The following MAN1A1 variants were observed in gnomAD, a reference collection of about 807,000 sequenced individuals.
The protein encoded by MAN1A1 is mannosyl-oligosaccharide 1,2-alpha-mannosidase IA.
In MAN1A1, 29 loss-of-function variants were observed where a neutral mutation model predicts 70.8. The observed-to-expected ratio is 0.41, with a 90% CI of 0.31 to 0.56. The LOEUF (loss-of-function observed/expected upper bound fraction) is 0.56, where lower values mean the gene tolerates loss of function less well. MAN1A1 is among the 20% of genes least tolerant of loss of function. The pLI is 0.29. For missense variants in MAN1A1, 747 were observed against 841.3 expected (o/e 0.89, Z 1.39); for synonymous variants, 349 against 330.1 (o/e 1.06, Z -0.62).
chr6:119,247,343 G>T (rs1775193817), intron 6 of MAN1A1, among the ~76,000 whole-genome samples: 1 of 152,120 alleles, frequency 6.6e-6, no homozygotes, highest in Non-Finnish European at 1.5e-5. Context: ...ATCTCTCTGT[G>T]ACTAGAGCTT....
At chr6:119,335,656 T>C (rs917804769) in intron 2 of MAN1A1, among the ~76,000 whole-genome samples, 1 of 152,090 alleles carries the variant, frequency 6.6e-6, no homozygotes, top group African/African-American at 2.4e-5. Flanking sequence ...ACATGGGAAT[T>C]TGGAGAAGGG....
At chr6:119,315,884 C>T (rs1472599533) in intron 2 of MAN1A1, among the ~76,000 whole-genome samples, 1 of 152,202 alleles carries the variant, frequency 6.6e-6, no homozygotes, top group Admixed American at 6.5e-5. Context: ...GAAGCTGTCA[C>T]TGAGTTCAGA....
At chr6:119,181,195 A>G (rs1773145028) in intron 11 of MAN1A1, among the ~76,000 whole-genome samples, 1 of 152,198 alleles carries the variant, frequency 6.6e-6, no homozygotes, top group African/African-American at 2.4e-5. Context: ...CTGTCCCCCA[A>G]GCCTGATATT....
chr6:119,295,387 G>C (rs1165152396), intron 4 of MAN1A1, among the ~76,000 whole-genome samples: 1 of 152,096 alleles, frequency 6.6e-6, no homozygotes. Context: ...TTTTAGTTTT[G>C]GAGCAGATTC....
intron 5 of MAN1A1, among the ~76,000 whole-genome samples, chr6:119,265,852 CAT>C (rs1256200622): frequency 1.3e-5 from 2 of 152,056 alleles, no homozygotes; most frequent in African/African-American, 4.8e-5. Context: ...CTGCAGATGA[CAT>C]ATTTTCTATG....
intron 6 of MAN1A1, among the ~76,000 whole-genome samples, chr6:119,220,340 A>G (rs1173042467): frequency 1.6e-5 from 1 of 61,486 alleles, no homozygotes; most frequent in Non-Finnish European, 4.0e-5. Context: ...TTACTTGGTG[A>G]GTTTAAAGAT....
chr6:119,190,576 T>C (rs1773416542), intron 9 of MAN1A1, among the ~76,000 whole-genome samples: 1 of 152,220 alleles, frequency 6.6e-6, no homozygotes, highest in African/African-American at 2.4e-5. Context: ...GAGTCATTTA[T>C]AATTATCATT....
At chr6:119,329,013 G>A (rs779228740) in intron 2 of MAN1A1, among the ~76,000 whole-genome samples, 2 of 152,224 alleles carry the variant, frequency 1.3e-5, no homozygotes, top group African/African-American at 2.4e-5. Flanking sequence ...CAAAGCAGAT[G>A]TCTGGATGCA....
chr6:119,225,738 T>C (rs1188580691), intron 6 of MAN1A1, among the ~76,000 whole-genome samples: 1 of 152,218 alleles, frequency 6.6e-6, no homozygotes, highest in Non-Finnish European at 1.5e-5. Context: ...GAATGGCATC[T>C]TCAAAATTTG....
chr6:119,282,555 C>CA (rs887821377), intron 5 of MAN1A1, among the ~76,000 whole-genome samples: 2 of 152,108 alleles, frequency 1.3e-5, no homozygotes, highest in Admixed American at 1.3e-4. Flanking sequence ...TAATTATAAA[C>CA]ATAATAAGCA....
chr6:119,334,416 T>C (rs911623711), intron 2 of MAN1A1, among the ~76,000 whole-genome samples: 2 of 152,254 alleles, frequency 1.3e-5, no homozygotes, highest in Non-Finnish European at 2.9e-5. Context: ...AGCTTTCTAT[T>C]GTTTTAGGTT....
At chr6:119,260,414 C>T (rs1232971011) in intron 5 of MAN1A1, among the ~76,000 whole-genome samples, 2 of 152,204 alleles carry the variant, frequency 1.3e-5, no homozygotes, top group Non-Finnish European at 2.9e-5. Flanking sequence ...TTTGATATTA[C>T]AAACAGCTTA....
chr6:119,250,675 T>C lies in MAN1A1; in HGVS notation c.898-2321A>G, dbSNP rs6906551. Among the ~76,000 whole-genome samples the C allele has an allele frequency of 2.7e-3, 399 of 148,870 alleles. 2 individuals are homozygous for C. The highest frequency in any genetic ancestry group is 9.5e-3 in the African/African-American group (386 of 40,562). On this transcript the variant is annotated intron_variant, in intron 5 of 12. Coordinates refer to ENST00000368468, the MANE Select transcript of MAN1A1 (RefSeq NM_005907.4). ...GTGTGTGTGTGTGTGTGTGTGTGTGTGCGTGTCAGTTACTCCCCACCTGCC... is the reference window on the plus strand; with the variant it reads ...GTGTGTGTGTGTGTGTGTGTGTGTGCGCGTGTCAGTTACTCCCCACCTGCC...
chr6:119,239,910 C>G (rs1774957161), intron 6 of MAN1A1, among the ~76,000 whole-genome samples: 1 of 152,202 alleles, frequency 6.6e-6, no homozygotes, highest in Non-Finnish European at 1.5e-5. Context: ...GATTCGCAAC[C>G]AATTGTGTGA....
At chr6:119,280,669 C>T (rs1029159430) in intron 5 of MAN1A1, among the ~76,000 whole-genome samples, 1 of 152,090 alleles carries the variant, frequency 6.6e-6, no homozygotes, top group South Asian at 2.1e-4. Flanking sequence ...AAATAATTTG[C>T]AAGAACATTC....
intron 2 of MAN1A1, among the ~76,000 whole-genome samples, chr6:119,326,662 A>C (rs1773154567): frequency 6.6e-6 from 1 of 152,230 alleles, no homozygotes; most frequent in African/African-American, 2.4e-5. Context: ...GGAAACTTAC[A>C]ATCATGGTGG....
At position 119,345,980 on chromosome 6, in the gene MAN1A1, C is replaced by G. The variant is rs144860644; in HGVS notation, c.603+2483G>C. On this transcript the variant is annotated intron_variant, in intron 2 of 12. Coordinates refer to ENST00000368468, the MANE Select transcript of MAN1A1 (RefSeq NM_005907.4). ...AATTAGCTGGGTGTGGTGGCACGTG[C>G]CTGTAATCCCAGCTACTTGGGAGGC... Among the ~76,000 whole-genome samples, 521 of 152,284 alleles carry G rather than the reference C, an allele frequency of 3.4e-3. 8 individuals carry two copies. The highest frequency in any genetic ancestry group is 0.012 in the African/African-American group (485 of 41,560).
intron 4 of MAN1A1, among the ~76,000 whole-genome samples, chr6:119,301,018 C>T (rs1013894443): frequency 6.6e-6 from 1 of 152,192 alleles, no homozygotes; most frequent in Admixed American, 6.5e-5. Flanking sequence ...TCTGAGAGAA[C>T]AAGAGTGCCA....
At chr6:119,232,388 A>G (rs7756391) in intron 6 of MAN1A1, among the ~76,000 whole-genome samples, 55,761 of 146,168 alleles carry the variant, frequency 0.38, 11,521 homozygotes, top group African/African-American at 0.45. Flanking sequence ...AAAAAAAAAA[A>G]AAAAGAAAAA....
Sources: gnomAD v4.1 joint callset for allele counts (sites outside exome capture counted in the v4.1 genomes callset) on GRCh38, gnomAD v4.1.1 for gene constraint, MANE v1.5 for transcripts, NCBI Gene and HGNC (gene_info 2026-07-23, HGNC 2026-07-21) for gene names.